TTC7A: variants seen among roughly 807,000 people sequenced by gnomAD.
The protein encoded by TTC7A is tetratricopeptide repeat protein 7A.
Under a neutral mutation model 103.7 loss-of-function variants are expected in TTC7A, and 110 were observed. That is an observed-to-expected ratio of 1.06 (90% CI 0.91 to 1.24). The LOEUF (loss-of-function observed/expected upper bound fraction) is 1.24. TTC7A is among the 50% of genes most tolerant of loss of function. The pLI is 0.00. For synonymous variants in TTC7A, 521 were observed against 467.9 expected, an observed-to-expected ratio of 1.11 and a Z score of -1.47; for missense variants, 1,340 against 1,116.3, an observed-to-expected ratio of 1.20 and a Z score of -2.86.
At chr2:47,026,332 G>A (rs1309749674) in intron 14 of TTC7A, among the ~76,000 whole-genome samples, 1 of 152,206 alleles carries the variant, frequency 6.6e-6, no homozygotes, top group African/African-American at 2.4e-5. Context: ...CCGACAAGCC[G>A]AGCCAGTGGC....
chr2:47,041,464 C>T (rs1184062701), intron 15 of TTC7A, among the ~76,000 whole-genome samples: 2 of 152,146 alleles, frequency 1.3e-5, no homozygotes, highest in African/African-American at 4.8e-5. Flanking sequence ...ATTAAAAATG[C>T]TTGATACGCC....
At chr2:47,056,311 G>T (rs1057128847) in intron 18 of TTC7A, among the ~76,000 whole-genome samples, 6 of 152,222 alleles carry the variant, frequency 3.9e-5, no homozygotes, top group African/African-American at 1.4e-4. Context: ...GAGGGTCAAG[G>T]CTAGCCATGG....
At chr2:47,051,279 T>C (rs1682833415) in intron 17 of TTC7A, among the ~76,000 whole-genome samples, 2 of 152,222 alleles carry the variant, frequency 1.3e-5, no homozygotes, top group African/African-American at 4.8e-5. Context: ...TATAAAAATG[T>C]GGTCCTATTC....
In TTC7A at chr2:47,019,138, G is replaced by A. The variant is rs183619596; in HGVS notation, c.1393-2724G>A. ...TATTAATACTGTGTGCTATTGTATT[G>A]TATATTGTCATACTTAATAGAATTG... On this transcript the variant is annotated intron_variant, in intron 11 of 19. Transcript: ENST00000319190. Among the ~76,000 whole-genome samples, 227 of 152,238 alleles carry A rather than the reference G, an allele frequency of 1.5e-3. 1 individual carries two copies. Among genetic ancestry groups the A allele is most frequent in the African/African-American group, 5.1e-3 (210 of 41,534 alleles).
At chr2:47,004,794 C>T (rs909041222) in intron 8 of TTC7A, among the ~76,000 whole-genome samples, 1 of 152,060 alleles carries the variant, frequency 6.6e-6, no homozygotes. Flanking sequence ...CCCAGAGTGT[C>T]CTCTGCCTAA....
chr2:47,055,157 AC>A (rs1451364284), intron 18 of TTC7A, among the ~76,000 whole-genome samples: 1 of 151,988 alleles, frequency 6.6e-6, no homozygotes, highest in Non-Finnish European at 1.5e-5. Flanking sequence ...CCCCCGCCAA[AC>A]CCTGCCTAAT....
At chr2:46,925,102 C>T (rs936086336) in intron 2 of TTC7A, among the ~76,000 whole-genome samples, 5 of 152,208 alleles carry the variant, frequency 3.3e-5, no homozygotes, top group African/African-American at 9.7e-5. Flanking sequence ...TGTTGCACTG[C>T]ACTTGGTTTT....
intron 2 of TTC7A, among the ~76,000 whole-genome samples, chr2:46,935,837 C>T (rs187305307): frequency 6.6e-6 from 1 of 152,230 alleles, no homozygotes; most frequent in East Asian, 1.9e-4. Flanking sequence ...CACCTATAAT[C>T]CTAGAGACTA....
At chr2:46,941,060 G>GGCGGGGGGCT, upstream of TTC7A, 1 of 151,050 alleles carries the variant, frequency 6.6e-6, no homozygotes, top group African/African-American at 2.4e-5. The surrounding 1 kb of genome is among the most constrained non-coding windows in gnomAD (Gnocchi z 4.2). Flanking sequence ...GGCGGGGGGC[G>GGCGGGGGGCT]GGTACCCGGG....
At chr2:46,933,941 G>A (rs1324896111) in intron 2 of TTC7A, among the ~76,000 whole-genome samples, 1 of 152,158 alleles carries the variant, frequency 6.6e-6, no homozygotes, top group African/African-American at 2.4e-5. Context: ...AGTGGAAGGT[G>A]GGGAGGGCAT....
At chr2:47,019,713 G>A (rs1679071865) in intron 11 of TTC7A, among the ~76,000 whole-genome samples, 1 of 151,548 alleles carries the variant, frequency 6.6e-6, no homozygotes, top group African/African-American at 2.4e-5. Flanking sequence ...CTCTGCATGG[G>A]TTGCAGGAGC....
chr2:46,969,510 G>A (rs1673167054), intron 3 of TTC7A, among the ~76,000 whole-genome samples: 1 of 152,004 alleles, frequency 6.6e-6, no homozygotes, highest in Admixed American at 6.5e-5. Context: ...CGACTCCCTG[G>A]TTCAAGTGAT....
intron 1 of TTC7A, among the ~76,000 whole-genome samples, chr2:46,947,709 T>C (rs1190799213): frequency 5.9e-5 from 9 of 152,286 alleles, no homozygotes; most frequent in Non-Finnish European, 8.8e-5. Flanking sequence ...AGAGACCCTG[T>C]CTGAAAATAA....
chr2:46,979,411 C>T (rs921616049), intron 5 of TTC7A, among the ~76,000 whole-genome samples: 1 of 152,116 alleles, frequency 6.6e-6, no homozygotes, highest in Non-Finnish European at 1.5e-5. Flanking sequence ...GAAGTTCTGG[C>T]GTCACGCTGG....
chr2:46,968,083 G>T (rs2104149806), intron 3 of TTC7A, among the ~76,000 whole-genome samples: 1 of 152,328 alleles, frequency 6.6e-6, no homozygotes, highest in African/African-American at 2.4e-5. Flanking sequence ...AGGGTTCCAA[G>T]GGTGGGGCTT....
chr2:46,922,009 T>C (rs1433900630), intron 2 of TTC7A, among the ~76,000 whole-genome samples: 1 of 152,196 alleles, frequency 6.6e-6, no homozygotes, highest in Non-Finnish European at 1.5e-5. Flanking sequence ...AATAAAAAAC[T>C]AAAGACATAC....
chr2:46,940,707 C>G (rs1670254925), upstream of TTC7A, among the ~76,000 whole-genome samples: 1 of 152,248 alleles, frequency 6.6e-6, no homozygotes, highest in African/African-American at 2.4e-5. The surrounding 1 kb of genome is among the most constrained non-coding windows in gnomAD (Gnocchi z 4.7). Context: ...TACAAATGCT[C>G]CCAGCAGAGG....
At chr2:47,063,361 C>G (rs4953455) in intron 19 of TTC7A, among the ~76,000 whole-genome samples, 52 of 152,126 alleles carry the variant, frequency 3.4e-4, no homozygotes, top group South Asian at 4.1e-4. Flanking sequence ...ATCTCACCCC[C>G]CTTCAGTCCC....
chr2:46,984,269 T>A (rs2104314405), intron 5 of TTC7A, among the ~76,000 whole-genome samples: 1 of 152,340 alleles, frequency 6.6e-6, no homozygotes, highest in East Asian at 1.9e-4. Flanking sequence ...CCCCTGGGGA[T>A]GCTCACGCCC....
Sources: gnomAD v4.1 joint callset for allele counts (sites outside exome capture counted in the v4.1 genomes callset) on GRCh38, gnomAD v4.1.1 for gene constraint, Gnocchi (gnomAD v3.1) non-coding constraint, MANE v1.5 for transcripts, NCBI Gene and HGNC (gene_info 2026-07-23, HGNC 2026-07-21) for gene names.